LOXHD1: variants seen among roughly 807,000 people sequenced by gnomAD.
LOXHD1 encodes lipoxygenase homology PLAT domains 1, also known as lipoxygenase homology domain-containing protein 1.
LOXHD1 carries 205 observed loss-of-function variants against 248.2 expected under a neutral mutation model. The observed-to-expected ratio is 0.83, with a 90% CI of 0.74 to 0.93. The LOEUF (loss-of-function observed/expected upper bound fraction) is 0.93, where lower values mean the gene tolerates loss of function less well. Ranked by LOEUF, LOXHD1 falls within the 40% of genes least tolerant of loss-of-function variation. LOXHD1 has a pLI of 0.00. For synonymous variants in LOXHD1, 1,113 were observed against 1,162.8 expected, an observed-to-expected ratio of 0.96 and a Z score of 0.87; for missense variants, 2,930 against 2,971.6, an observed-to-expected ratio of 0.99 and a Z score of 0.33.
chr18:46,508,679 G>A (rs900277603), intron 35 of LOXHD1, among the ~76,000 whole-genome samples: 6 of 152,218 alleles, frequency 3.9e-5, no homozygotes, highest in East Asian at 1.9e-4. Flanking sequence ...ACACAAGTTC[G>A]CATGCCTAGG....
chr18:46,554,059 C>T (rs2037219536), intron 21 of LOXHD1, among the ~76,000 whole-genome samples: 1 of 152,188 alleles, frequency 6.6e-6, no homozygotes, highest in Non-Finnish European at 1.5e-5. Context: ...CCAGGAGCTT[C>T]TGCAGGATTT....
At chr18:46,527,154 T>C (rs1221871700) in intron 29 of LOXHD1, among the ~76,000 whole-genome samples, 1 of 151,002 alleles carries the variant, frequency 6.6e-6, no homozygotes, top group East Asian at 1.9e-4. Flanking sequence ...AAAAACGGAA[T>C]CTGAACGCAG....
At chr18:46,557,667 T>C (rs2037398445) in intron 20 of LOXHD1, among the ~76,000 whole-genome samples, 178 bp from the exon 21 acceptor site, 1 of 152,150 alleles carries the variant, frequency 6.6e-6, no homozygotes, top group African/African-American at 2.4e-5. Flanking sequence ...GTCTGCACAA[T>C]TGTTTCCCTA....
intron 4 of LOXHD1, among the ~76,000 whole-genome samples, chr18:46,621,742 A>G (rs1361172087): frequency 6.6e-6 from 1 of 152,228 alleles, no homozygotes; most frequent in African/African-American, 2.4e-5. Flanking sequence ...ACCAATTAAA[A>G]AAAAAAATCC....
intron 4 of LOXHD1, among the ~76,000 whole-genome samples, chr18:46,623,705 CAG>C (rs1030783245): frequency 3.9e-5 from 6 of 152,236 alleles, no homozygotes; most frequent in Non-Finnish European, 7.3e-5. Flanking sequence ...CCAGAAAAGG[CAG>C]ACACTGGCAG....
intron 12 of LOXHD1, among the ~76,000 whole-genome samples, chr18:46,583,200 A>G (rs2037995415): frequency 6.6e-6 from 1 of 152,232 alleles, no homozygotes; most frequent in African/African-American, 2.4e-5. Flanking sequence ...ATAAAAAGTG[A>G]AAAGATTGAT....
chr18:46,608,690 C>T (rs558662524), intron 6 of LOXHD1, among the ~76,000 whole-genome samples: 1 of 152,274 alleles, frequency 6.6e-6, no homozygotes, highest in African/African-American at 2.4e-5. Context: ...TTCTCCAATC[C>T]AAGCAGCAGT....
chr18:46,582,147 G>A (rs2037975997), intron 12 of LOXHD1, among the ~76,000 whole-genome samples: 1 of 152,104 alleles, frequency 6.6e-6, no homozygotes, highest in Non-Finnish European at 1.5e-5. Context: ...AAATATGCAA[G>A]TATTTTTTGT....
At chr18:46,505,733 C>G in intron 37 of LOXHD1, 105 bp downstream of exon 37, 4 of 1,236,216 alleles carry the variant, frequency 3.2e-6, no homozygotes, top group Non-Finnish European at 4.6e-6. Flanking sequence ...AGTTTTCTGC[C>G]ACCCTGGGGT....
chr18:46,546,887 TA>T lies in LOXHD1; in HGVS notation c.3514+7del. 6.5e-7 allele frequency: 1 copy of T among 1,547,810 alleles called. No individual in the cohort carries two copies. Among genetic ancestry groups the T allele is most frequent in the Middle Eastern group, 1.7e-4 (1 of 5,980 alleles). ...CTGGAGAAAGAAATCAGCTCTAGTT[TA>T]GAAAACCTTTCTGCTCCAGGGCCAG... is the stretch of plus-strand genomic sequence containing the variant. On this transcript the variant is annotated splice_region_variant and intron_variant, in intron 22 of 40. Coordinates refer to ENST00000642948, the MANE Select transcript of LOXHD1 (RefSeq NM_001384474.1).
Position 46,541,895 on chromosome 18 carries a change from G to T in LOXHD1, c.3794C>A (p.Pro1265Gln). The T allele has an allele frequency of 6.4e-7, 1 of 1,551,692 alleles. No homozygotes were observed. The highest frequency in any genetic ancestry group is 8.7e-7 in the Non-Finnish European group (1 of 1,146,990). Reference sequence around the variant, plus strand: ...AAACGTCATGCACTTCCCAAGAGATGGGGCATCCACCTCTACCCAGTCTAC... The same window carrying T: ...AAACGTCATGCACTTCCCAAGAGATTGGGCATCCACCTCTACCCAGTCTAC... ...WFVDWVEVDA[P>Q]SLGKCMTFPC... Residue 1265 changes from proline to glutamine, a missense_variant, in exon 25 of 41, where the codon CCA becomes CAA. Transcript: ENST00000642948.
intron 4 of LOXHD1, among the ~76,000 whole-genome samples, chr18:46,625,523 C>T (rs2038729836): frequency 6.6e-6 from 1 of 151,626 alleles, no homozygotes; most frequent in South Asian, 2.1e-4. Flanking sequence ...GCAAAAAAAT[C>T]TTATGCTTTA....
At chr18:46,494,839 T>TC (rs1568090410) in intron 37 of LOXHD1, among the ~76,000 whole-genome samples, 1 of 125,774 alleles carries the variant, frequency 8.0e-6, no homozygotes, top group Non-Finnish European at 1.7e-5. Flanking sequence ...TTTCTCCTTT[T>TC]TCTCTCTCTC....
chr18:46,545,507 G>T, intron 22 of LOXHD1, 86 bp from the exon 23 acceptor site: 2 of 997,620 alleles, frequency 2.0e-6, no homozygotes, highest in Non-Finnish European at 3.1e-6. Context: ...CCTCTAGAAG[G>T]GCTTCCTTGA....
At chr18:46,522,645 C>G (rs1230753178) in intron 31 of LOXHD1, among the ~76,000 whole-genome samples, 1 of 152,130 alleles carries the variant, frequency 6.6e-6, no homozygotes, top group Non-Finnish European at 1.5e-5. Flanking sequence ...CCTCTCACCA[C>G]GTATAGGCAT....
At chr18:46,507,196 G>A (rs1396075249) in intron 36 of LOXHD1, among the ~76,000 whole-genome samples, 2 of 152,222 alleles carry the variant, frequency 1.3e-5, no homozygotes, top group African/African-American at 2.4e-5. Flanking sequence ...ATGGGTCCGA[G>A]CATGCCTGAG....
chr18:46,519,895 A>G (rs1340914865), intron 33 of LOXHD1, among the ~76,000 whole-genome samples: 1 of 152,170 alleles, frequency 6.6e-6, no homozygotes, highest in East Asian at 1.9e-4. Flanking sequence ...GTTCTTTGTA[A>G]AGTGACAAAC....
intron 18 of LOXHD1, among the ~76,000 whole-genome samples, chr18:46,561,528 C>T (rs1401138738): frequency 6.6e-6 from 1 of 152,194 alleles, no homozygotes; most frequent in Non-Finnish European, 1.5e-5. Flanking sequence ...TGCTGATGAG[C>T]CCCTGTCTGG....
intron 25 of LOXHD1, among the ~76,000 whole-genome samples, chr18:46,540,951 T>C (rs2036534824): frequency 6.6e-6 from 1 of 152,256 alleles, no homozygotes; most frequent in Non-Finnish European, 1.5e-5. Context: ...TCATCACTGA[T>C]ACATGCTATT....
Sources: gnomAD v4.1 joint callset for allele counts (sites outside exome capture counted in the v4.1 genomes callset) on GRCh38, gnomAD v4.1.1 for gene constraint, MANE v1.5 for transcripts, NCBI Gene and HGNC (gene_info 2026-07-23, HGNC 2026-07-21) for gene names.